Variants in SFI1 observed in about 807,000 individuals in gnomAD.
The protein encoded by SFI1 is SFI1 centrin binding protein.
SFI1 carries 195 observed loss-of-function variants against 207.5 expected under a neutral mutation model. That is an observed-to-expected ratio of 0.94 (90% CI 0.84 to 1.06). The LOEUF is 1.06. SFI1 is among the 50% of genes least tolerant of loss of function. SFI1 has a pLI of 0.00. For missense variants in SFI1, 1,634 were observed against 1,588.0 expected (o/e 1.03, Z -0.49); for synonymous variants, 630 against 598.9 (o/e 1.05, Z -0.76).
chr22:31,541,585 T>C (rs2059496146), intron 4 of SFI1, among the ~76,000 whole-genome samples: 1 of 150,648 alleles, frequency 6.6e-6, no homozygotes, highest in South Asian at 2.1e-4. Flanking sequence ...GAAACCCCGT[T>C]TGTACTAAAA....
At chr22:31,618,252 G>A (rs769217822) in intron 32 of SFI1, 26 bp downstream of exon 32, 6 of 1,597,680 alleles carry the variant, frequency 3.8e-6, no homozygotes, top group Admixed American at 3.5e-5. Context: ...ATCCCCAGGT[G>A]TCCCTGGGGA....
At chr22:31,541,743 CAAAAA>C (rs71673219) in intron 4 of SFI1, among the ~76,000 whole-genome samples, 3 of 86,226 alleles carry the variant, frequency 3.5e-5, no homozygotes, top group Admixed American at 1.4e-4. Flanking sequence ...GACTCCATCT[CAAAAA>C]AAAAAAAAAA....
chr22:31,533,842 T>C (rs1243553063), intron 4 of SFI1, among the ~76,000 whole-genome samples: 2 of 152,098 alleles, frequency 1.3e-5, no homozygotes, highest in Admixed American at 1.3e-4. Context: ...AATTCTCTCT[T>C]TTTTGTTTAA....
In SFI1 at chr22:31,583,918, A is replaced by G. The variant is rs1437878177; in HGVS notation, c.1292A>G (p.Gln431Arg). The G allele has an allele frequency of 1.2e-6, 2 of 1,614,084 alleles. No individual in the cohort carries two copies. Among genetic ancestry groups the G allele is most frequent in the African/African-American group, 2.7e-5 (2 of 74,932 alleles). Residue 431 changes from glutamine (Q) to arginine (R), a missense_variant, in exon 13 of 33, where the codon CAG becomes CGG. Gln to Arg is a conservative substitution (Grantham distance 43). Transcript: ENST00000400288. The stretch of plus-strand genomic sequence containing the variant: ...AACCTCTGGCGGTCTCAGATTGAGC[A>G]GAAAAAGGAAAGAGAGCTGCTCCCC... Reference protein sequence around the residue: ...FWNLWRSQIEQKKERELLPLL... With the variant: ...FWNLWRSQIERKKERELLPLL...
At chr22:31,557,150 A>G in intron 7 of SFI1, 91 bp downstream of exon 7, 5 of 749,920 alleles carry the variant, frequency 6.7e-6, no homozygotes, top group Non-Finnish European at 1.1e-5. Flanking sequence ...ACCTCACCTT[A>G]AAACAATGGT....
At chr22:31,590,707 A>G (rs2065741791) in intron 15 of SFI1, among the ~76,000 whole-genome samples, 1 of 151,838 alleles carries the variant, frequency 6.6e-6, no homozygotes, top group East Asian at 1.9e-4. Flanking sequence ...GGCTTTCACC[A>G]TGTCAGCAAG....
intron 8 of SFI1, among the ~76,000 whole-genome samples, chr22:31,566,681 A>G (rs978473700): frequency 2.0e-5 from 3 of 152,184 alleles, no homozygotes; most frequent in Non-Finnish European, 4.4e-5. Context: ...CTTCAGGAGG[A>G]TGATCCAGTT....
intron 22 of SFI1, 92 bp from the exon 23 acceptor site, chr22:31,611,051 C>T: frequency 6.5e-7 from 1 of 1,538,180 alleles, no homozygotes; most frequent in Non-Finnish European, 9.0e-7. Flanking sequence ...TCTATCCCTG[C>T]ACAGCCATCT....
Position 31,556,983 on chromosome 22 carries a change from A to G in SFI1, c.586A>G (p.Ile196Val), listed in dbSNP as rs747768926. The G allele has an allele frequency of 6.2e-7, 1 of 1,612,062 alleles. No individual in the cohort carries two copies. Among genetic ancestry groups the G allele is most frequent in the Non-Finnish European group, 8.5e-7 (1 of 1,178,836 alleles). ...GCGACAGGCCTGGAAGTCCTGGTTG[A>G]TCTACGTGGTTGTTCGTAGGACCAA... ...KMRQAWKSWL[I>V]YVVVRRTKLQ... Residue 196 changes from isoleucine to valine, a missense_variant, in exon 7 of 33, where the codon ATC becomes GTC. By Grantham distance (29) the Ile-to-Val change is conservative. Coordinates refer to ENST00000400288, the MANE Select transcript of SFI1 (RefSeq NM_001007467.3).
In SFI1 at chr22:31,596,452, G is replaced by T. The variant is rs558029676; in HGVS notation, c.1545-5760G>T. 4.6e-5 allele frequency among the ~76,000 whole-genome samples: 7 copies of T among 152,196 alleles called. No individual in the cohort carries two copies. In the East Asian group the frequency reaches 1.4e-3, roughly 29 times the overall value. On this transcript the variant is annotated intron_variant, in intron 15 of 32. Coordinates refer to ENST00000400288, the MANE Select transcript of SFI1 (RefSeq NM_001007467.3). ...TGGCTTCTGCAGACAGAGCAGCTTT[G>T]CCTTTACCTAGTCATGTATTGTGGG...
chr22:31,611,353 T>C (rs1603351856), intron 23 of SFI1, 50 bp downstream of exon 23: 2 of 1,539,360 alleles, frequency 1.3e-6, no homozygotes, highest in Non-Finnish European at 1.8e-6. Flanking sequence ...TGGCAAGGGG[T>C]GTCCAGGCCA....
At position 31,618,423 on chromosome 22, in the gene SFI1, T is replaced by C. The variant is rs774777135; in HGVS notation, c.*5T>C. On this transcript the variant is annotated 3_prime_UTR_variant, in exon 33 of 33. Coordinates refer to ENST00000400288, the MANE Select transcript of SFI1 (RefSeq NM_001007467.3). Reference sequence around the variant, plus strand: ...CTGCGGCAGGCCCTGTGCTAGCGTGTTCGCACCAGGAACGCAGGTGCTGGG... The same window carrying C: ...CTGCGGCAGGCCCTGTGCTAGCGTGCTCGCACCAGGAACGCAGGTGCTGGG... 53 of 1,562,624 alleles carry C rather than the reference T, an allele frequency of 3.4e-5. No homozygotes were observed. Among genetic ancestry groups the C allele is most frequent in the Non-Finnish European group, 3.3e-5 (38 of 1,150,180 alleles).
At chr22:31,603,597 C>T (rs1346379492) in intron 17 of SFI1, 147 bp from the exon 18 acceptor site, 1 of 566,798 alleles carries the variant, frequency 1.8e-6, no homozygotes. Flanking sequence ...TTTTCTGAGA[C>T]TGCAAGTTCT....
At chr22:31,575,008 G>T (rs887260613) in intron 9 of SFI1, among the ~76,000 whole-genome samples, 1 of 150,628 alleles carries the variant, frequency 6.6e-6, no homozygotes, top group African/African-American at 2.4e-5. Context: ...GCAGTGAGCC[G>T]AGATCCCGCC....
intron 9 of SFI1, 126 bp from the exon 10 acceptor site, chr22:31,575,102 GTGT>G: frequency 2.8e-6 from 1 of 357,274 alleles, no homozygotes; most frequent in Non-Finnish European, 4.3e-6. Flanking sequence ...GTGTGTGTGT[GTGT>G]GTGTGTGTGT....
chr22:31,594,484 GT>G (rs2066749249), intron 15 of SFI1, among the ~76,000 whole-genome samples: 1 of 147,268 alleles, frequency 6.8e-6, no homozygotes, highest in Non-Finnish European at 1.5e-5. Context: ...GGAGATGGAG[GT>G]TGCCGTGAGC....
intron 2 of SFI1, among the ~76,000 whole-genome samples, chr22:31,525,903 T>C (rs939730846): frequency 1.3e-5 from 2 of 152,190 alleles, no homozygotes; most frequent in Non-Finnish European, 2.9e-5. Context: ...TGCCTCCAGC[T>C]TTGTTCTTTT....
At position 31,583,860 on chromosome 22, in the gene SFI1, C is replaced by T. The variant is rs770562438; in HGVS notation, c.1249-15C>T. On this transcript the variant is annotated splice_polypyrimidine_tract_variant and intron_variant, in intron 12 of 32. Coordinates refer to ENST00000400288, the MANE Select transcript of SFI1 (RefSeq NM_001007467.3). ...CATCTCAGTACATTTCCATCTTCTT[C>T]CTCCCTTGCTTTAGCTGCTGCACAG... is the stretch of plus-strand genomic sequence containing the variant. 3 of 1,610,062 alleles carry T rather than the reference C, an allele frequency of 1.9e-6. No homozygotes were observed. Among genetic ancestry groups the T allele is most frequent in the Admixed American group, 3.3e-5 (2 of 59,998 alleles).
At chr22:31,580,528 CTTTCT>C (rs1284788603) in intron 12 of SFI1, among the ~76,000 whole-genome samples, 164 bp downstream of exon 12, 24 of 144,126 alleles carry the variant, frequency 1.7e-4, no homozygotes, top group East Asian at 1.6e-3. Context: ...CATTTTCTTT[CTTTCT>C]TTTCTTTTCT....
Sources: allele counts gnomAD v4.1 joint callset (sites outside exome capture counted in the v4.1 genomes callset), GRCh38; gene constraint gnomAD v4.1.1; transcripts MANE v1.5; gene names NCBI Gene and HGNC (gene_info 2026-07-23, HGNC 2026-07-21).